The following RUNX1 variants were observed in gnomAD, a reference collection of about 807,000 sequenced individuals.
The protein encoded by RUNX1 is RUNX family transcription factor 1, also known as runt-related transcription factor 1.
In RUNX1, 19 loss-of-function variants were observed where a neutral mutation model predicts 42.8. The ratio of observed to expected loss-of-function variants is 0.44; its 90% confidence interval spans 0.31 to 0.65. The LOEUF is 0.65. RUNX1 is among the 30% of genes least tolerant of loss of function. The probability of loss-of-function intolerance (pLI) is 0.07; values close to 1 mark genes in which losing one functional copy is unlikely to be tolerated. For missense variants in RUNX1, 528 were observed against 672.0 expected, an observed-to-expected ratio of 0.79 and a Z score of 2.37; for synonymous variants, 271 against 289.4, an observed-to-expected ratio of 0.94 and a Z score of 0.64.
chr21:34,992,506 T>A (rs1397253634), intron 2 of RUNX1, among the ~76,000 whole-genome samples: 2 of 152,112 alleles, frequency 1.3e-5, no homozygotes, highest in East Asian at 3.9e-4. Context: ...GGCAGTGAGA[T>A]TGGTCCCAGT....
intron 2 of RUNX1, among the ~76,000 whole-genome samples, chr21:35,006,816 C>G (rs2059088494): frequency 6.6e-6 from 1 of 152,142 alleles, no homozygotes; most frequent in Admixed American, 6.5e-5. Flanking sequence ...CTGCCCAGAG[C>G]CTTTCTCTAC....
rs929150664 is a variant in RUNX1, at chr21:34,791,437, A to AAAAAC, written c.*693_*697dup. ...ACCCAAAGCTGTAGCTGTTTCTCAA[A>AAAAAC]AAAACAAAACAAAACAAAAAAAAAC... On this transcript the variant is annotated 3_prime_UTR_variant, in exon 9 of 9. Transcript: ENST00000675419. The AAAAAC allele has an allele frequency of 3.0e-5, 7 of 232,746 alleles. No homozygotes were observed. The highest frequency in any genetic ancestry group is 6.0e-5 in the Non-Finnish European group (7 of 117,644). 14.4% of individuals were successfully genotyped at this position (232,746 alleles called of 1,614,324 possible). A position where few individuals can be genotyped will look rare whatever the true frequency, so the allele number is the denominator to read the frequency against.
At chr21:34,879,812 A>G (rs758571921) in intron 5 of RUNX1, among the ~76,000 whole-genome samples, 6 of 152,230 alleles carry the variant, frequency 3.9e-5, no homozygotes, top group Non-Finnish European at 8.8e-5. Context: ...AAATTACAAT[A>G]AGCCAAGATT....
chr21:35,034,163 A>C (rs1203029751), intron 2 of RUNX1, among the ~76,000 whole-genome samples: 1 of 152,178 alleles, frequency 6.6e-6, no homozygotes, highest in Non-Finnish European at 1.5e-5. Context: ...CTTGGATGAA[A>C]TATTTGGCCA....
intron 2 of RUNX1, among the ~76,000 whole-genome samples, chr21:34,993,051 T>A (rs1369042093): frequency 6.6e-6 from 1 of 152,230 alleles, no homozygotes; most frequent in African/African-American, 2.4e-5. Context: ...AGGAAGGGCA[T>A]CTGGGGCCTT....
intron 2 of RUNX1, among the ~76,000 whole-genome samples, chr21:34,977,480 G>C (rs2058811598): frequency 6.6e-6 from 1 of 152,224 alleles, no homozygotes; most frequent in African/African-American, 2.4e-5. Flanking sequence ...CTTTGGTCAA[G>C]TCACTCCAAG....
rs547001908 is a variant in RUNX1, at chr21:34,865,631, C to T, written c.509-6053G>A. Among the ~76,000 whole-genome samples the T allele has an allele frequency of 1.9e-3, 284 of 152,258 alleles. 1 individual carries two copies. The highest frequency in any genetic ancestry group is 6.5e-3 in the African/African-American group (270 of 41,546). ...CCCCAGGGCCAGTCAGCGGGGAGGCCCCAGGTCTAGGCTTGATTAGTCTTG... is the reference window on the plus strand; with the variant it reads ...CCCCAGGGCCAGTCAGCGGGGAGGCTCCAGGTCTAGGCTTGATTAGTCTTG... On this transcript the variant is annotated intron_variant, in intron 5 of 8. Transcript: ENST00000675419.
chr21:34,893,026 C>CT (rs376929893), intron 2 of RUNX1, 63 bp from the exon 3 acceptor site: 51,729 of 790,808 alleles, frequency 0.065, 16 homozygotes, highest in South Asian at 0.13. Flanking sequence ...TTTCCCCCGA[C>CT]TTTTTTTTTT....
chr21:34,979,911 G>C (rs565004299), intron 2 of RUNX1, among the ~76,000 whole-genome samples: 80 of 152,290 alleles, frequency 5.3e-4, no homozygotes, highest in African/African-American at 1.9e-3. Context: ...GAGGGTGCTG[G>C]GTTCGTCTCA....
chr21:34,810,040 T>C (rs908172657), intron 7 of RUNX1, among the ~76,000 whole-genome samples: 3 of 152,244 alleles, frequency 2.0e-5, no homozygotes, highest in Admixed American at 6.5e-5. Context: ...CCCAGCTCTC[T>C]GTGCCCAAGT....
intron 5 of RUNX1, among the ~76,000 whole-genome samples, chr21:34,865,279 C>T (rs1017842301): frequency 2.3e-5 from 3 of 132,464 alleles, no homozygotes; most frequent in East Asian, 2.3e-4. Context: ...GGGTTTTGTG[C>T]GTGTGTGTGT....
intron 7 of RUNX1, among the ~76,000 whole-genome samples, chr21:34,808,461 T>C (rs1352973525): frequency 1.3e-5 from 2 of 152,016 alleles, no homozygotes; most frequent in African/African-American, 4.8e-5. Context: ...CGGGGAAGCT[T>C]TGTGGCTTTG....
In RUNX1 at chr21:34,859,455, C is replaced by T. The variant is rs772233610; in HGVS notation, c.613+19G>A. On this transcript the variant is annotated intron_variant, in intron 6 of 8. Coordinates refer to ENST00000675419, the MANE Select transcript of RUNX1 (RefSeq NM_001754.5). Reference sequence around the variant, plus strand: ...GTACCAGCCTGGAGGGTGTACCAGCCCCAAGTGGATGCACTTACTTCGAGG... The same window carrying T: ...GTACCAGCCTGGAGGGTGTACCAGCTCCAAGTGGATGCACTTACTTCGAGG... The T allele has an allele frequency of 5.8e-6, 9 of 1,548,922 alleles. No individual in the cohort carries two copies. Among genetic ancestry groups the T allele is most frequent in the Non-Finnish European group, 8.0e-6 (9 of 1,120,754 alleles).
At chr21:35,010,298 G>A (rs2059116390) in intron 2 of RUNX1, among the ~76,000 whole-genome samples, 1 of 152,024 alleles carries the variant, frequency 6.6e-6, no homozygotes. Flanking sequence ...ATTTGGGGTA[G>A]TAACAACAAC....
chr21:34,959,288 T>A (rs2834691), intron 2 of RUNX1, among the ~76,000 whole-genome samples: 9,607 of 152,020 alleles, frequency 0.063, 1,008 homozygotes, highest in African/African-American at 0.22. Context: ...AACAAAGAAG[T>A]GCACTGTGAC....
At chr21:35,009,133 GC>G (rs2059106677) in intron 2 of RUNX1, among the ~76,000 whole-genome samples, 6 of 152,148 alleles carry the variant, frequency 3.9e-5, no homozygotes, top group Non-Finnish European at 8.8e-5. Context: ...TTAACCCTGT[GC>G]CAACTCCACT....
chr21:34,856,499 T>G, intron 6 of RUNX1: 1 of 511,918 alleles, frequency 2.0e-6, no homozygotes, highest in South Asian at 1.4e-5. Context: ...GATAGAGAGA[T>G]GAACAGATGA....
chr21:34,860,505 C>A (rs770272851), intron 5 of RUNX1, among the ~76,000 whole-genome samples: 1 of 150,418 alleles, frequency 6.6e-6, no homozygotes, highest in Non-Finnish European at 1.5e-5. Context: ...ATCTGGCACA[C>A]GGTATTCAAC....
chr21:34,928,045 C>T (rs531240861), intron 2 of RUNX1, among the ~76,000 whole-genome samples: 18 of 152,236 alleles, frequency 1.2e-4, no homozygotes, highest in African/African-American at 3.4e-4. Flanking sequence ...CTTCAATAAG[C>T]GGCCAGAATT....
Sources: allele counts gnomAD v4.1 joint callset (sites outside exome capture counted in the v4.1 genomes callset), GRCh38; gene constraint gnomAD v4.1.1; transcripts MANE v1.5; gene names NCBI Gene and HGNC (gene_info 2026-07-23, HGNC 2026-07-21).